Variants in PLCB1 observed in about 807,000 individuals in gnomAD.
PLCB1 encodes the protein phospholipase C beta 1, also known as 1-phosphatidylinositol 4,5-bisphosphate phosphodiesterase beta-1.
A neutral mutation model predicts 161.8 loss-of-function variants in PLCB1; 46 were observed. The ratio of observed to expected loss-of-function variants is 0.28; its 90% CI spans 0.22 to 0.36. The LOEUF is 0.36. PLCB1 is among the 10% of genes least tolerant of loss of function. The probability of loss-of-function intolerance (pLI) is 1.00; values close to 1 mark genes in which losing one functional copy is unlikely to be tolerated. For synonymous variants in PLCB1, 517 were observed against 503.7 expected (o/e 1.03, Z -0.35); for missense variants, 1,016 against 1,472.5 (o/e 0.69, Z 5.07).
At chr20:8,227,632 C>CT (rs1979767008) in intron 2 of PLCB1, among the ~76,000 whole-genome samples, 1 of 152,154 alleles carries the variant, frequency 6.6e-6, no homozygotes, top group South Asian at 2.1e-4. Flanking sequence ...TTACAAATTG[C>CT]TTTTTAGCTT....
At chr20:8,678,323 T>C (rs899084534) in intron 9 of PLCB1, among the ~76,000 whole-genome samples, 2 of 152,206 alleles carry the variant, frequency 1.3e-5, no homozygotes, top group African/African-American at 2.4e-5. Context: ...AATGTATACA[T>C]GTGCTACAGG....
At position 8,632,525 on chromosome 20, in the gene PLCB1, A is replaced by G. The variant is rs192947851; in HGVS notation, c.384+4094A>G. Among the ~76,000 whole-genome samples the G allele has an allele frequency of 6.2e-4, 94 of 152,270 alleles. 1 individual carries two copies. Among genetic ancestry groups the G allele is most frequent in the African/African-American group, 2.0e-3 (84 of 41,570 alleles). On this transcript the variant is annotated intron_variant, in intron 4 of 31. Coordinates refer to ENST00000338037, the MANE Select transcript of PLCB1 (RefSeq NM_015192.4). ...AATAAAGAAGTCAGCCACGCAGTGTATTAGGAAGAGAGTGATATTGACAAA... is the reference window on the plus strand; with the variant it reads ...AATAAAGAAGTCAGCCACGCAGTGTGTTAGGAAGAGAGTGATATTGACAAA...
chr20:8,408,262 C>T (rs1978873123), intron 3 of PLCB1, among the ~76,000 whole-genome samples: 1 of 151,958 alleles, frequency 6.6e-6, no homozygotes, highest in South Asian at 2.1e-4. Context: ...AAAATAGTTG[C>T]TGTAGTAGGG....
At chr20:8,302,755 CTA>C (rs886963898) in intron 2 of PLCB1, among the ~76,000 whole-genome samples, 2 of 151,878 alleles carry the variant, frequency 1.3e-5, no homozygotes, top group African/African-American at 2.4e-5. Context: ...CTTCATTTAT[CTA>C]TATACAAATT....
At chr20:8,806,281 C>T (rs1461811224) in intron 31 of PLCB1, among the ~76,000 whole-genome samples, 1 of 151,942 alleles carries the variant, frequency 6.6e-6, no homozygotes, top group East Asian at 1.9e-4. Flanking sequence ...GCTGGGGAAG[C>T]AATGCCAAGC....
chr20:8,580,192 A>G (rs1007509052), intron 3 of PLCB1, among the ~76,000 whole-genome samples: 1 of 152,212 alleles, frequency 6.6e-6, no homozygotes. Context: ...GCGAACTCCA[A>G]ACTGGGGTGG....
At chr20:8,320,902 AG>A (rs1984887339) in intron 2 of PLCB1, among the ~76,000 whole-genome samples, 1 of 151,704 alleles carries the variant, frequency 6.6e-6, no homozygotes, top group South Asian at 2.1e-4. Context: ...AGAGAGAAGA[AG>A]AAAAGAAGAA....
At chr20:8,327,591 G>T (rs1044625898) in intron 2 of PLCB1, among the ~76,000 whole-genome samples, 4 of 152,174 alleles carry the variant, frequency 2.6e-5, no homozygotes, top group African/African-American at 9.7e-5. Context: ...GCCATAGAAG[G>T]CCTCTACCAT....
chr20:8,211,345 C>T (rs111349963), intron 2 of PLCB1, among the ~76,000 whole-genome samples: 3,748 of 152,132 alleles, frequency 0.025, 66 homozygotes, highest in Non-Finnish European at 0.037. Flanking sequence ...GAAAACCTAC[C>T]GGAATTTCAT....
chr20:8,831,860 T>G (rs1182482789), intron 31 of PLCB1, among the ~76,000 whole-genome samples: 1 of 152,044 alleles, frequency 6.6e-6, no homozygotes, highest in Admixed American at 6.6e-5. Flanking sequence ...CATTTTCAGT[T>G]GAAATTTAAT....
intron 4 of PLCB1, among the ~76,000 whole-genome samples, chr20:8,636,993 C>T (rs1053415889): frequency 1.3e-5 from 2 of 151,270 alleles, no homozygotes; most frequent in African/African-American, 4.9e-5. Flanking sequence ...GATTGCATTA[C>T]CGGTGTGCCT....
At chr20:8,626,744 G>T (rs1260734208) in intron 3 of PLCB1, among the ~76,000 whole-genome samples, 1 of 152,088 alleles carries the variant, frequency 6.6e-6, no homozygotes, top group African/African-American at 2.4e-5. Context: ...TCTCTTCTGA[G>T]TGTACCAAAA....
At chr20:8,204,588 C>T (rs1311953552) in intron 2 of PLCB1, among the ~76,000 whole-genome samples, 1 of 151,962 alleles carries the variant, frequency 6.6e-6, no homozygotes. Flanking sequence ...ACCTTGCTCC[C>T]ACCATGTGAG....
intron 3 of PLCB1, among the ~76,000 whole-genome samples, chr20:8,586,634 T>C (rs185134386): frequency 6.6e-6 from 1 of 152,158 alleles, no homozygotes; most frequent in African/African-American, 2.4e-5. Flanking sequence ...TAGACCTTAG[T>C]GGTCACTCAC....
intron 2 of PLCB1, among the ~76,000 whole-genome samples, chr20:8,209,973 G>A (rs1172191569): frequency 6.6e-6 from 1 of 151,968 alleles, no homozygotes; most frequent in Non-Finnish European, 1.5e-5. Context: ...AAGCAGCTAA[G>A]GCCACAGGCT....
intron 2 of PLCB1, among the ~76,000 whole-genome samples, chr20:8,275,215 A>C (rs1193932626): frequency 1.3e-5 from 2 of 148,846 alleles, no homozygotes; most frequent in African/African-American, 2.5e-5. Context: ...TACTTTGTTA[A>C]ATGTCCAGTA....
At chr20:8,193,442 A>G (rs2051991290) in intron 2 of PLCB1, among the ~76,000 whole-genome samples, 1 of 151,906 alleles carries the variant, frequency 6.6e-6, no homozygotes, top group Non-Finnish European at 1.5e-5. Context: ...GAGGAGGAGG[A>G]GAAAGATGTG....
chr20:8,177,650 T>C (rs1324094527), intron 2 of PLCB1, among the ~76,000 whole-genome samples: 1 of 152,114 alleles, frequency 6.6e-6, no homozygotes, highest in Non-Finnish European at 1.5e-5. Flanking sequence ...TTTAAAATTT[T>C]ACTTTACTCA....
chr20:8,236,043 G>T (rs966015216), intron 2 of PLCB1, among the ~76,000 whole-genome samples: 1 of 152,004 alleles, frequency 6.6e-6, no homozygotes, highest in Non-Finnish European at 1.5e-5. Context: ...GTTAAAGTTA[G>T]GAAGGTGTTT....
Sources: allele counts gnomAD v4.1 joint callset (sites outside exome capture counted in the v4.1 genomes callset), GRCh38; gene constraint gnomAD v4.1.1; transcripts MANE v1.5; gene names NCBI Gene and HGNC (gene_info 2026-07-23, HGNC 2026-07-21).